Variants in ARB2A observed in about 807,000 individuals in gnomAD.
The protein encoded by ARB2A is ARB2 cotranscriptional regulator A, also known as cotranscriptional regulator ARB2A.
the ARB2A span, among the ~76,000 whole-genome samples, chr5:94,106,557 A>T: frequency 6.6e-6 from 1 of 152,172 alleles, no homozygotes; most frequent in African/African-American, 2.4e-5. Context: ...TGTGGAAAGC[A>T]GTTTGGAAAT....
At chr5:94,002,229 C>T in the ARB2A span, among the ~76,000 whole-genome samples, 1 of 151,930 alleles carries the variant, frequency 6.6e-6, no homozygotes. Flanking sequence ...TTAAAAAAAA[C>T]AGAAAGCTCT....
chr5:93,854,498 C>T, the ARB2A span, among the ~76,000 whole-genome samples: 1 of 152,136 alleles, frequency 6.6e-6, no homozygotes. Context: ...CTTCTGCTAG[C>T]TTTTGAATGT....
chr5:93,666,486 C>CA, the ARB2A span, among the ~76,000 whole-genome samples: 2 of 148,814 alleles, frequency 1.3e-5, no homozygotes, highest in Non-Finnish European at 3.0e-5. Flanking sequence ...ATCAAAGGAT[C>CA]AAAATAGTGC....
chr5:93,770,986 A>G, the ARB2A span, among the ~76,000 whole-genome samples: 1 of 152,136 alleles, frequency 6.6e-6, no homozygotes, highest in East Asian at 1.9e-4. Context: ...AAAAGAGCCC[A>G]CATCGCCAAG....
chr5:94,013,563 C>T, the ARB2A span, among the ~76,000 whole-genome samples: 1 of 151,912 alleles, frequency 6.6e-6, no homozygotes, highest in Admixed American at 6.6e-5. Flanking sequence ...CATGATTTCA[C>T]ATGAGCATAT....
the ARB2A span, among the ~76,000 whole-genome samples, chr5:93,915,565 TAAAAG>T: frequency 6.6e-6 from 1 of 151,912 alleles, no homozygotes; most frequent in Non-Finnish European, 1.5e-5. Flanking sequence ...TCATAAAACT[TAAAAG>T]AAGTTGTCAT....
the ARB2A span, among the ~76,000 whole-genome samples, chr5:94,060,398 T>C: frequency 1.3e-5 from 2 of 152,036 alleles, no homozygotes; most frequent in African/African-American, 4.8e-5. Context: ...CCTATACACA[T>C]AAATTATACA....
chr5:94,053,244 A>G, the ARB2A span: 1 of 1,296,868 alleles, frequency 7.7e-7, no homozygotes, highest in Non-Finnish European at 1.1e-6. Context: ...AAGAAATGAT[A>G]TGAAATTTAC....
the ARB2A span, among the ~76,000 whole-genome samples, chr5:93,826,909 T>C: frequency 2.4e-4 from 36 of 152,112 alleles, no homozygotes; most frequent in African/African-American, 8.7e-4. Context: ...TCCATGTCCC[T>C]ACAAAGGACA....
chr5:94,011,858 C>T, the ARB2A span, among the ~76,000 whole-genome samples: 7 of 131,656 alleles, frequency 5.3e-5, no homozygotes, highest in East Asian at 1.6e-3. Flanking sequence ...AATTCATTTA[C>T]CAAAGGAAAT....
chr5:93,725,450 A>G, the ARB2A span, among the ~76,000 whole-genome samples: 3 of 152,144 alleles, frequency 2.0e-5, no homozygotes, highest in African/African-American at 7.2e-5. Context: ...AACAAAAACA[A>G]GAGCATTGTA....
the ARB2A span, among the ~76,000 whole-genome samples, chr5:94,052,727 C>T: frequency 2.1e-3 from 314 of 152,254 alleles, 1 homozygote; most frequent in African/African-American, 6.4e-3. Flanking sequence ...AAAACATTGT[C>T]ACAGATAATT....
chr5:93,866,564 G>T, the ARB2A span, among the ~76,000 whole-genome samples: 3 of 152,152 alleles, frequency 2.0e-5, no homozygotes, highest in Non-Finnish European at 2.9e-5. Context: ...CCAGTTATGA[G>T]AATTTTTTTC....
the ARB2A span, among the ~76,000 whole-genome samples, chr5:94,059,002 G>C: frequency 6.6e-6 from 1 of 152,042 alleles, no homozygotes; most frequent in South Asian, 2.1e-4. Context: ...CCTTTGATCT[G>C]CCATGATTGT....
At chr5:94,106,222 G>A in the ARB2A span, among the ~76,000 whole-genome samples, 3 of 151,774 alleles carry the variant, frequency 2.0e-5, no homozygotes, top group Admixed American at 2.0e-4. Context: ...AAAAAAATTC[G>A]CAAACTATGC....
At chr5:94,014,596 A>ACCAAGAATT in the ARB2A span, among the ~76,000 whole-genome samples, 3 of 152,128 alleles carry the variant, frequency 2.0e-5, no homozygotes, top group Non-Finnish European at 4.4e-5. Flanking sequence ...GAGCTTTCTG[A>ACCAAGAATT]CCAAGAATTC....
the ARB2A span, among the ~76,000 whole-genome samples, chr5:93,773,483 G>T: frequency 2.0e-5 from 3 of 152,112 alleles, no homozygotes; most frequent in Non-Finnish European, 4.4e-5. Context: ...CCTAATTCAG[G>T]CAGGACGCTA....
the ARB2A span, among the ~76,000 whole-genome samples, chr5:93,779,175 T>C: frequency 1.3e-5 from 2 of 151,736 alleles, no homozygotes; most frequent in African/African-American, 2.4e-5. Context: ...CCCCAAAAAG[T>C]ATATAGAAAA....
chr5:93,709,723 A>G, the ARB2A span, among the ~76,000 whole-genome samples: 7 of 151,766 alleles, frequency 4.6e-5, no homozygotes, highest in African/African-American at 7.3e-5. Context: ...ATTGTGTTAC[A>G]TAGAATAAGG....
Sources: gnomAD v4.1 joint callset for allele counts (sites outside exome capture counted in the v4.1 genomes callset) on GRCh38, gnomAD v4.1.1 for gene constraint, MANE v1.5 for transcripts, NCBI Gene and HGNC (gene_info 2026-07-23, HGNC 2026-07-21) for gene names.